Variants in MAP4K3 observed in about 807,000 individuals in gnomAD.
The protein encoded by MAP4K3 is MAPK/ERK kinase kinase kinase 3.
In MAP4K3, 94 loss-of-function variants were observed where a neutral mutation model predicts 143.5. That is an observed-to-expected ratio of 0.65 (90% CI 0.55 to 0.78). The LOEUF is 0.78. Ranked by LOEUF, MAP4K3 falls within the 30% of genes least tolerant of loss-of-function variation. The pLI is 0.00. For missense variants in MAP4K3, 1,077 were observed against 1,068.1 expected, an observed-to-expected ratio of 1.01 and a Z score of -0.12; for synonymous variants, 416 against 347.2, an observed-to-expected ratio of 1.20 and a Z score of -2.20.
At chr2:39,310,452 T>A (rs1397500192) in intron 13 of MAP4K3, among the ~76,000 whole-genome samples, 1 of 152,204 alleles carries the variant, frequency 6.6e-6, no homozygotes, top group Non-Finnish European at 1.5e-5. Flanking sequence ...AATAATATTC[T>A]GTTGTGTATA....
intron 19 of MAP4K3, among the ~76,000 whole-genome samples, chr2:39,289,823 G>C (rs1681955201): frequency 6.6e-6 from 1 of 152,176 alleles, no homozygotes; most frequent in Non-Finnish European, 1.5e-5. Flanking sequence ...AGTGACTCAT[G>C]CCTGTAATCC....
chr2:39,273,926 A>T (rs745843183), intron 24 of MAP4K3, among the ~76,000 whole-genome samples: 1 of 151,896 alleles, frequency 6.6e-6, no homozygotes, highest in Non-Finnish European at 1.5e-5. Context: ...TCCAGACCAC[A>T]TATCAGTACG....
In MAP4K3 at chr2:39,429,196, T is replaced by A. The variant is rs80244077; in HGVS notation, c.96+7696A>T. On this transcript the variant is annotated intron_variant, in intron 1 of 33. Coordinates refer to ENST00000263881, the MANE Select transcript of MAP4K3 (RefSeq NM_003618.4). ...TGAAAACTGAAAATATGGCTCACAT[T>A]ATAATTACTACGCAATCCTGGAGAA... 1.7e-3 allele frequency among the ~76,000 whole-genome samples: 255 copies of A among 152,192 alleles called. 5 individuals carry two copies. In the East Asian group the frequency reaches 0.025, roughly 15 times the overall value.
chr2:39,252,009 A>G (rs1253436166), intron 32 of MAP4K3, 124 bp from the exon 33 acceptor site: 1 of 684,120 alleles, frequency 1.5e-6, no homozygotes, highest in Non-Finnish European at 2.6e-6. Context: ...TTCCTGCATG[A>G]CTGTTTGTTA....
rs6753023 is a variant in MAP4K3 at position 39,354,684 on chromosome 2, C to A, written c.245+1565G>T. Among the ~76,000 whole-genome samples, 322 of 150,068 alleles carry A rather than the reference C, an allele frequency of 2.1e-3. 2 individuals carry two copies. Among genetic ancestry groups the A allele is most frequent in the African/African-American group, 7.4e-3 (304 of 40,912 alleles). On this transcript the variant is annotated intron_variant, in intron 3 of 33. Transcript: ENST00000263881. Reference sequence around the variant, plus strand: ...CTCAAACAAACAAACAAAAAAAAAACAAAAAAACTCCCACACCTCTACCTT... The same window carrying A: ...CTCAAACAAACAAACAAAAAAAAAAAAAAAAAACTCCCACACCTCTACCTT...
chr2:39,426,375 A>G (rs934749280), intron 1 of MAP4K3, among the ~76,000 whole-genome samples: 3 of 152,178 alleles, frequency 2.0e-5, no homozygotes, highest in Admixed American at 6.5e-5. Context: ...GGAAAATGCT[A>G]TAATAGACAT....
chr2:39,433,482 A>T (rs916976419), intron 1 of MAP4K3, among the ~76,000 whole-genome samples: 1 of 152,226 alleles, frequency 6.6e-6, no homozygotes, highest in Non-Finnish European at 1.5e-5. Flanking sequence ...AGATGGCACA[A>T]TGCATGTGAA....
At chr2:39,259,226 C>A (rs921189163) in intron 29 of MAP4K3, among the ~76,000 whole-genome samples, 1 of 151,952 alleles carries the variant, frequency 6.6e-6, no homozygotes, top group African/African-American at 2.4e-5. Flanking sequence ...CTATATATGC[C>A]AAAACTATGG....
intron 26 of MAP4K3, among the ~76,000 whole-genome samples, chr2:39,271,253 A>T (rs1011309486): frequency 6.6e-6 from 1 of 152,202 alleles, no homozygotes; most frequent in African/African-American, 2.4e-5. Context: ...ATTTTGTCTC[A>T]TTTATACATG....
chr2:39,271,785 T>A (rs1192852324), intron 26 of MAP4K3: 7 of 153,164 alleles, frequency 4.6e-5, no homozygotes, highest in Non-Finnish European at 8.7e-5. Flanking sequence ...TTTGTAGAGA[T>A]GAGGTCTTGC....
chr2:39,330,630 T>C (rs1181830064), intron 8 of MAP4K3, among the ~76,000 whole-genome samples: 1 of 151,950 alleles, frequency 6.6e-6, no homozygotes, highest in Admixed American at 6.6e-5. Flanking sequence ...AGGATTATTC[T>C]AGGAAAACAA....
At chr2:39,386,594 T>C (rs1666511236) in intron 1 of MAP4K3, among the ~76,000 whole-genome samples, 1 of 152,088 alleles carries the variant, frequency 6.6e-6, no homozygotes, top group Admixed American at 6.6e-5. Context: ...ACAGTTTAAG[T>C]TTAGGTACAT....
chr2:39,303,457 G>C (rs1682585156), intron 15 of MAP4K3, among the ~76,000 whole-genome samples: 1 of 152,138 alleles, frequency 6.6e-6, no homozygotes, highest in South Asian at 2.1e-4. Flanking sequence ...TGGCAGGTGA[G>C]GCATACTATA....
chr2:39,264,691 A>G (rs555179475), intron 28 of MAP4K3, among the ~76,000 whole-genome samples: 1 of 152,352 alleles, frequency 6.6e-6, no homozygotes, highest in African/African-American at 2.4e-5. Flanking sequence ...CTTAAATGTA[A>G]GTTACAGATG....
At chr2:39,419,197 T>C (rs926873690) in intron 1 of MAP4K3, among the ~76,000 whole-genome samples, 1 of 152,298 alleles carries the variant, frequency 6.6e-6, no homozygotes, top group Non-Finnish European at 1.5e-5. Flanking sequence ...AAACAACTAA[T>C]TTTATCATGT....
At chr2:39,358,513 C>T (rs971931117) in intron 2 of MAP4K3, among the ~76,000 whole-genome samples, 12 of 152,054 alleles carry the variant, frequency 7.9e-5, no homozygotes, top group South Asian at 6.2e-4. Flanking sequence ...GTATTAGTGG[C>T]TTTAGGTTTT....
intron 1 of MAP4K3, among the ~76,000 whole-genome samples, chr2:39,387,675 A>G (rs1350202576): frequency 6.6e-6 from 1 of 152,212 alleles, no homozygotes; most frequent in Non-Finnish European, 1.5e-5. Flanking sequence ...ATCAATAAAG[A>G]GCAAATAACC....
In MAP4K3 at chr2:39,272,384, A is replaced by T. The variant is rs552497239; in HGVS notation, c.1872T>A (p.Leu624=). ...LLSISGKASQ[L]YSHNLPGLFD... ...AAAGCCCTGGTAAATTATGGGAATA[A>T]AGCTGAGAAGCTTTACCTATAAAGA... Residue 624 remains leucine, a synonymous_variant, in exon 26 of 34, where the codon CTT becomes CTA. Transcript: ENST00000263881. 2 of 1,613,234 alleles carry T rather than the reference A, an allele frequency of 1.2e-6. No individual in the cohort carries two copies. The highest frequency in any genetic ancestry group is 4.5e-5 in the East Asian group (2 of 44,784).
intron 18 of MAP4K3, among the ~76,000 whole-genome samples, chr2:39,291,734 A>G (rs78046225): frequency 0.034 from 5,154 of 152,114 alleles, 132 homozygotes; most frequent in Non-Finnish European, 0.052. Context: ...AAAAAATAGA[A>G]AATTAGGAAG....
Sources: gnomAD v4.1 joint callset for allele counts (sites outside exome capture counted in the v4.1 genomes callset) on GRCh38, gnomAD v4.1.1 for gene constraint, MANE v1.5 for transcripts, NCBI Gene and HGNC (gene_info 2026-07-23, HGNC 2026-07-21) for gene names.